The following ABCB5 variants were observed in gnomAD, a reference collection of about 807,000 sequenced individuals.
ABCB5 encodes the protein ATP binding cassette subfamily B member 5.
A neutral mutation model predicts 144.2 loss-of-function variants in ABCB5; 155 were observed. The ratio of observed to expected loss-of-function variants is 1.08; its 90% CI spans 0.94 to 1.23. ABCB5 has a LOEUF of 1.23. ABCB5 is among the 50% of genes most tolerant of loss of function. ABCB5 has a pLI of 0.00. For missense variants in ABCB5, 1,830 were observed against 1,520.8 expected (o/e 1.20, Z -3.38); for synonymous variants, 610 against 528.6 (o/e 1.15, Z -2.11).
rs1468612061 is a variant in ABCB5 at position 20,753,438 on chromosome 7, C to T, written c.3508C>T (p.Leu1170Phe). 6.2e-7 allele frequency: 1 copy of T among 1,614,026 alleles called. No homozygotes were observed. The highest frequency in any genetic ancestry group is 1.3e-5 in the African/African-American group (1 of 74,950). ...QKQRLAIARA[L>F]LQKPKILLLD... is the part of the protein sequence containing the mutation. Reference sequence around the variant, plus strand: ...ACAAAGACTAGCTATTGCAAGGGCTCTTCTCCAAAAACCCAAAATTTTATT... The same window carrying T: ...ACAAAGACTAGCTATTGCAAGGGCTTTTCTCCAAAAACCCAAAATTTTATT... The change falls in exon 27 of 28, where the codon CTT becomes TTT. Residue 1170 changes from leucine to phenylalanine, a missense_variant. Transcript: ENST00000404938.
intron 13 of ABCB5, among the ~76,000 whole-genome samples, chr7:20,651,932 C>T (rs1036440590): frequency 1.3e-5 from 2 of 151,796 alleles, no homozygotes; most frequent in Admixed American, 1.3e-4. Flanking sequence ...CCCAGGGAAG[C>T]CAAAAAATTG....
intron 16 of ABCB5, among the ~76,000 whole-genome samples, chr7:20,691,641 T>C (rs1276847117): frequency 6.6e-6 from 1 of 150,806 alleles, no homozygotes; most frequent in Non-Finnish European, 1.5e-5. Context: ...TTAGGGTACA[T>C]GTGCACAACG....
intron 26 of ABCB5, among the ~76,000 whole-genome samples, chr7:20,746,212 C>T (rs1233635597): frequency 1.3e-5 from 2 of 152,180 alleles, no homozygotes; most frequent in Non-Finnish European, 2.9e-5. Flanking sequence ...ATTCTCCTGC[C>T]TCAGCCTCCC....
chr7:20,711,505 A>T (rs1475135343), intron 20 of ABCB5, among the ~76,000 whole-genome samples: 3 of 143,528 alleles, frequency 2.1e-5, no homozygotes. Flanking sequence ...TCTGTTATCC[A>T]GGCTGGAGTG....
intron 14 of ABCB5, among the ~76,000 whole-genome samples, chr7:20,663,031 G>C (rs1170710208): frequency 1.3e-5 from 2 of 152,132 alleles, no homozygotes; most frequent in Non-Finnish European, 2.9e-5. Flanking sequence ...TTTTACAGTT[G>C]AGCTGTAAAA....
intron 9 of ABCB5, chr7:20,647,303 T>C: frequency 7.9e-7 from 1 of 1,265,424 alleles, no homozygotes; most frequent in South Asian, 2.5e-5. Context: ...TGTTCCTTAT[T>C]AGGAAAAGGC....
chr7:20,670,163 T>C (rs1785416513), intron 14 of ABCB5, among the ~76,000 whole-genome samples: 1 of 152,200 alleles, frequency 6.6e-6, no homozygotes, highest in African/African-American at 2.4e-5. Flanking sequence ...TGTACTGGGA[T>C]ATTCAGGGAT....
At chr7:20,708,179 A>C (rs921649499) in intron 20 of ABCB5, among the ~76,000 whole-genome samples, 1 of 152,130 alleles carries the variant, frequency 6.6e-6, no homozygotes, top group Non-Finnish European at 1.5e-5. Context: ...TGATTCAAAC[A>C]ATGTTGCCAT....
intron 5 of ABCB5, chr7:20,641,730 G>A (rs369451974): frequency 6.6e-6 from 1 of 152,568 alleles, no homozygotes; most frequent in African/African-American, 2.4e-5. Flanking sequence ...ATCATGAAAG[G>A]TACTTAATTC....
intron 13 of ABCB5, among the ~76,000 whole-genome samples, chr7:20,656,037 G>T (rs1351934618): frequency 6.6e-6 from 1 of 152,120 alleles, no homozygotes; most frequent in African/African-American, 2.4e-5. Flanking sequence ...ACTCAGTGGG[G>T]GAAAGAAATA....
At chr7:20,628,893 G>C in intron 4 of ABCB5, 55 bp downstream of exon 4, 25 of 1,571,532 alleles carry the variant, frequency 1.6e-5, no homozygotes, top group Non-Finnish European at 2.1e-5. Context: ...ATTGAATAAA[G>C]CAAACAAACG....
At chr7:20,635,082 T>C (rs889413070) in intron 5 of ABCB5, among the ~76,000 whole-genome samples, 2 of 152,058 alleles carry the variant, frequency 1.3e-5, no homozygotes, top group East Asian at 1.9e-4. Flanking sequence ...TGTTTGTATA[T>C]GGTGAGAGAT....
chr7:20,626,460 C>A, intron 2 of ABCB5, 97 bp from the exon 3 acceptor site: 2 of 983,890 alleles, frequency 2.0e-6, no homozygotes, highest in Non-Finnish European at 3.0e-6. Flanking sequence ...AATTTGCTAC[C>A]AAGGTGATAT....
intron 15 of ABCB5, among the ~76,000 whole-genome samples, chr7:20,684,293 C>A (rs1482181549): frequency 1.3e-5 from 2 of 152,142 alleles, no homozygotes; most frequent in African/African-American, 4.8e-5. Flanking sequence ...TAGAGATATA[C>A]ACATATCAAA....
chr7:20,673,473 A>T (rs961485884), intron 14 of ABCB5, among the ~76,000 whole-genome samples: 5 of 152,044 alleles, frequency 3.3e-5, no homozygotes, highest in Non-Finnish European at 5.9e-5. Flanking sequence ...TAGGATTGTT[A>T]TGTTCTCTTG....
chr7:20,753,420 C>G lies in ABCB5; in HGVS notation c.3490C>G (p.Leu1164Val). 6.2e-7 allele frequency: 1 copy of G among 1,614,128 alleles called. No individual in the cohort carries two copies. Among genetic ancestry groups the G allele is most frequent in the Non-Finnish European group, 8.5e-7 (1 of 1,180,006 alleles). ...GCTTTCTGGCGGCCAGAAACAAAGA[C>G]TAGCTATTGCAAGGGCTCTTCTCCA... Reference protein sequence around the residue: ...AQLSGGQKQRLAIARALLQKP... With the variant: ...AQLSGGQKQRVAIARALLQKP... Residue 1164 changes from leucine (L) to valine (V), a missense_variant, in exon 27 of 28, where the codon CTA becomes GTA. Physicochemically the swap from Leu to Val is conservative, Grantham distance 32 (BLOSUM62 1). Transcript: ENST00000404938.
chr7:20,678,937 A>G (rs1435089536), intron 14 of ABCB5, among the ~76,000 whole-genome samples: 1 of 152,200 alleles, frequency 6.6e-6, no homozygotes, highest in Non-Finnish European at 1.5e-5. Context: ...GAAAATGTAC[A>G]TTGACTTCTA....
intron 26 of ABCB5, among the ~76,000 whole-genome samples, chr7:20,751,848 A>G (rs1217211320): frequency 2.6e-5 from 4 of 152,256 alleles, no homozygotes; most frequent in Non-Finnish European, 5.9e-5. Context: ...AATGACAGAG[A>G]AAACAGCGAA....
rs1562589756 is a variant in ABCB5, at chr7:20,743,079, G to A, written c.3222+5G>A. On this transcript the variant is annotated splice_donor_5th_base_variant and intron_variant, in intron 25 of 27. Transcript: ENST00000404938. ...GACCCCGTGCAAGGACAAGTGGTAA[G>A]ACAGAACTGAAACACACCTAATCTG... is the stretch of plus-strand genomic sequence containing the variant. 5 of 1,613,434 alleles carry A rather than the reference G, an allele frequency of 3.1e-6. No homozygotes were observed. Among genetic ancestry groups the A allele is most frequent in the South Asian group, 1.1e-5 (1 of 90,986 alleles).
Sources: gnomAD v4.1 joint callset for allele counts (sites outside exome capture counted in the v4.1 genomes callset) on GRCh38, gnomAD v4.1.1 for gene constraint, MANE v1.5 for transcripts, NCBI Gene and HGNC (gene_info 2026-07-23, HGNC 2026-07-21) for gene names.